Variants in PDE11A observed in about 807,000 individuals in gnomAD.
PDE11A encodes the protein phosphodiesterase 11A.
PDE11A carries 100 observed loss-of-function variants against 100.5 expected under a neutral mutation model. The observed-to-expected ratio is 1.00, with a 90% CI of 0.85 to 1.18. The LOEUF is 1.18. PDE11A is among the 50% of genes most tolerant of loss of function. The probability of loss-of-function intolerance (pLI) is 0.00; values close to 1 mark genes in which losing one functional copy is unlikely to be tolerated. For missense variants in PDE11A, 1,141 were observed against 1,152.6 expected (o/e 0.99, Z 0.15); for synonymous variants, 381 against 420.8 (o/e 0.91, Z 1.16).
chr2:178,026,585 C>G (rs1198589958), intron 1 of PDE11A, among the ~76,000 whole-genome samples: 1 of 150,708 alleles, frequency 6.6e-6, no homozygotes, highest in Non-Finnish European at 1.5e-5. Flanking sequence ...CACTTGAACC[C>G]AGGAGGCAGA....
At chr2:178,041,303 G>A (rs2086680149) in intron 1 of PDE11A, among the ~76,000 whole-genome samples, 1 of 151,172 alleles carries the variant, frequency 6.6e-6, no homozygotes, top group Admixed American at 6.6e-5. Flanking sequence ...GAGTGCAGTG[G>A]CACAGTCTCA....
chr2:177,675,591 C>A, intron 16 of PDE11A, 73 bp from the exon 17 acceptor site: 1 of 1,078,698 alleles, frequency 9.3e-7, no homozygotes, highest in Non-Finnish European at 1.4e-6. Context: ...GTCCTAGATA[C>A]ATAAATAAAT....
chr2:178,045,944 T>C (rs1226499864), intron 1 of PDE11A, among the ~76,000 whole-genome samples: 1 of 152,230 alleles, frequency 6.6e-6, no homozygotes, highest in Non-Finnish European at 1.5e-5. Context: ...TAATCCTTAA[T>C]ATTTCCCATA....
intron 19 of PDE11A, among the ~76,000 whole-genome samples, chr2:177,642,533 G>A (rs1204836751): frequency 6.6e-6 from 1 of 152,206 alleles, no homozygotes; most frequent in African/African-American, 2.4e-5. Context: ...TGCCAGAACT[G>A]TGGTATCCCT....
At chr2:177,875,602 C>T (rs1321794043) in intron 5 of PDE11A, among the ~76,000 whole-genome samples, 2 of 151,902 alleles carry the variant, frequency 1.3e-5, no homozygotes, top group East Asian at 1.9e-4. Context: ...AGGATGGTCT[C>T]GATCTCCTGA....
rs531091809 is a variant in PDE11A, at chr2:177,959,822, T to C, written c.1071+54480A>G. Among the ~76,000 whole-genome samples, 114 of 152,264 alleles carry C rather than the reference T, an allele frequency of 7.5e-4. 1 individual carries two copies. Among genetic ancestry groups the C allele is most frequent in the African/African-American group, 2.6e-3 (108 of 41,552 alleles). ...GGTTTATTAAGTATTGGTGAGAAGG[T>C]TATATATTATATTTCTTTAAATTTT... is the stretch of plus-strand genomic sequence containing the variant. On this transcript the variant is annotated intron_variant, in intron 2 of 19. Transcript: ENST00000286063.
At chr2:177,638,088 C>T (rs1436025879) in intron 19 of PDE11A, among the ~76,000 whole-genome samples, 4 of 150,094 alleles carry the variant, frequency 2.7e-5, no homozygotes, top group Non-Finnish European at 5.9e-5. Context: ...CAAGCTCCGC[C>T]TCCCAGGTTC....
rs187015385 is a variant in PDE11A, at chr2:177,728,486, T to C, written c.1789-314A>G. ...GTTTATGGAAACTGTGGTCATACAA[T>C]ATATTCTGATGCATATTACAGAGCA... is the stretch of plus-strand genomic sequence containing the variant. On this transcript the variant is annotated intron_variant, in intron 10 of 19. Coordinates refer to ENST00000286063, the MANE Select transcript of PDE11A (RefSeq NM_016953.4). Among the ~76,000 whole-genome samples, 232 of 152,258 alleles carry C rather than the reference T, an allele frequency of 1.5e-3. 2 individuals carry two copies. Among genetic ancestry groups the C allele is most frequent in the Middle Eastern group, 0.014 (4 of 294 alleles).
At chr2:177,865,743 C>G (rs1360591351) in intron 5 of PDE11A, among the ~76,000 whole-genome samples, 1 of 151,998 alleles carries the variant, frequency 6.6e-6, no homozygotes, top group East Asian at 1.9e-4. Flanking sequence ...TAAAAGAAAC[C>G]AAACACAAAT....
At chr2:177,997,029 C>T (rs555012362) in intron 2 of PDE11A, among the ~76,000 whole-genome samples, 2 of 152,148 alleles carry the variant, frequency 1.3e-5, no homozygotes, top group African/African-American at 2.4e-5. Context: ...TGGATACAAC[C>T]ATGGTCTGTT....
At chr2:178,000,372 A>T (rs921210159) in intron 2 of PDE11A, among the ~76,000 whole-genome samples, 6 of 152,220 alleles carry the variant, frequency 3.9e-5, no homozygotes, top group Admixed American at 3.9e-4. Context: ...ATATTCCATA[A>T]ATTTTGCTAT....
At chr2:177,966,970 T>G (rs769935950) in intron 2 of PDE11A, among the ~76,000 whole-genome samples, 3 of 152,138 alleles carry the variant, frequency 2.0e-5, no homozygotes, top group Non-Finnish European at 4.4e-5. Context: ...TGGCTATGAA[T>G]CCATCTAATT....
chr2:177,840,399 G>A lies in PDE11A; in HGVS notation c.1368-16C>T. ...TTCTTTGAAACTATCAGAGCACCAA[G>A]GTAGGCAGGAAGAAAAGAGAGAAAC... On this transcript the variant is annotated splice_polypyrimidine_tract_variant and intron_variant, in intron 5 of 19. Coordinates refer to ENST00000286063, the MANE Select transcript of PDE11A (RefSeq NM_016953.4). 6.2e-7 allele frequency: 1 copy of A among 1,612,598 alleles called. No homozygotes were observed. The highest frequency in any genetic ancestry group is 8.5e-7 in the Non-Finnish European group (1 of 1,178,860).
chr2:177,956,018 A>G (rs1175619256), intron 2 of PDE11A, among the ~76,000 whole-genome samples: 1 of 151,358 alleles, frequency 6.6e-6, no homozygotes, highest in East Asian at 1.9e-4. Flanking sequence ...TTCATGTCTA[A>G]AACACCAAAA....
chr2:177,780,470 C>G (rs1457083170), intron 9 of PDE11A, among the ~76,000 whole-genome samples: 1 of 152,164 alleles, frequency 6.6e-6, no homozygotes, highest in Non-Finnish European at 1.5e-5. Flanking sequence ...CAGCAACTTA[C>G]CATAGCCCCT....
intron 2 of PDE11A, among the ~76,000 whole-genome samples, chr2:177,908,985 C>G (rs897574754): frequency 6.6e-6 from 1 of 152,128 alleles, no homozygotes; most frequent in Non-Finnish European, 1.5e-5. Context: ...TCATCTACCC[C>G]ACTGTGTCCG....
intron 5 of PDE11A, among the ~76,000 whole-genome samples, chr2:177,858,417 C>T (rs1250111865): frequency 1.3e-5 from 2 of 150,584 alleles, no homozygotes; most frequent in African/African-American, 4.9e-5. Context: ...AAAAAAACCA[C>T]ATCAAAAAGT....
Position 177,915,969 on chromosome 2 carries a change from T to C in PDE11A, c.1072-10782A>G, listed in dbSNP as rs2084946142. Among the ~76,000 whole-genome samples, 4 of 152,236 alleles carry C rather than the reference T, an allele frequency of 2.6e-5. No homozygotes were observed. The South Asian group carries it at 8.3e-4, about 32-fold the overall frequency. On this transcript the variant is annotated intron_variant, in intron 2 of 19. Coordinates refer to ENST00000286063, the MANE Select transcript of PDE11A (RefSeq NM_016953.4). Reference sequence around the variant, plus strand: ...CAGTTTTGCAGTCTTCAGAAATGGCTGGCTTGTGGCCTGTCTATGACATCC... The same window carrying C: ...CAGTTTTGCAGTCTTCAGAAATGGCCGGCTTGTGGCCTGTCTATGACATCC...
chr2:178,104,267 G>A, intron 2 of PDE11A: 1 of 1,582,662 alleles, frequency 6.3e-7, no homozygotes, highest in Non-Finnish European at 8.7e-7. Flanking sequence ...TTCCTACAGT[G>A]TATCTGGTTC....
Sources: gnomAD v4.1 joint callset for allele counts (sites outside exome capture counted in the v4.1 genomes callset) on GRCh38, gnomAD v4.1.1 for gene constraint, MANE v1.5 for transcripts, NCBI Gene and HGNC (gene_info 2026-07-23, HGNC 2026-07-21) for gene names.